KLF12: variants seen among roughly 807,000 people sequenced by gnomAD.
The protein encoded by KLF12 is KLF transcription factor 12, also known as Krueppel-like factor 12.
Under a neutral mutation model 37.8 loss-of-function variants are expected in KLF12, and 9 were observed. The observed-to-expected ratio is 0.24, with a 90% confidence interval of 0.14 to 0.42. The LOEUF (loss-of-function observed/expected upper bound fraction) is 0.42, where lower values mean the gene tolerates loss of function less well. Among genes scored for constraint, KLF12 ranks in the 10% least tolerant of loss-of-function variants. The pLI is 1.00. For synonymous variants in KLF12, 208 were observed against 202.1 expected, an observed-to-expected ratio of 1.03 and a Z score of -0.25; for missense variants, 411 against 516.0, an observed-to-expected ratio of 0.80 and a Z score of 1.97.
the KLF12 span, among the ~76,000 whole-genome samples, chr13:74,167,194 A>C: frequency 6.6e-6 from 1 of 152,232 alleles, no homozygotes; most frequent in Non-Finnish European, 1.5e-5. Flanking sequence ...AGGCATATAG[A>C]GATGCTCAAG....
intron 1 of KLF12, among the ~76,000 whole-genome samples, chr13:74,041,487 C>T (rs1261014942): frequency 2.0e-5 from 3 of 151,966 alleles, no homozygotes; most frequent in Admixed American, 1.3e-4. Context: ...TGTTAAGATG[C>T]TGACTTACTC....
rs541408997 is a variant in KLF12, at chr13:73,690,836, G to A, written c.*4654C>T. The A allele has an allele frequency of 2.6e-5, 4 of 152,542 alleles. No individual in the cohort carries two copies. The highest frequency in any genetic ancestry group is 2.1e-4 in the South Asian group (1 of 4,824). 9.4% of individuals were successfully genotyped at this position (152,542 alleles called of 1,614,324 possible). ...CTTTTTCCACTATCACATATGTTAC[G>A]AATACAGTAAAATATCTTCACTCTA... On this transcript the variant is annotated 3_prime_UTR_variant, in exon 8 of 8. Coordinates refer to ENST00000377669, the MANE Select transcript of KLF12 (RefSeq NM_007249.5).
At chr13:74,239,357 C>T in the KLF12 span, among the ~76,000 whole-genome samples, 1 of 138,554 alleles carries the variant, frequency 7.2e-6, no homozygotes, top group Non-Finnish European at 1.6e-5. Flanking sequence ...AGCTTTACTT[C>T]CCAGTATGTG....
At chr13:73,849,401 G>A (rs943321211) in intron 3 of KLF12, among the ~76,000 whole-genome samples, 12 of 126,868 alleles carry the variant, frequency 9.5e-5, no homozygotes, top group African/African-American at 2.8e-4. Context: ...AAAAAAAAAA[G>A]CATTGGTTCT....
chr13:73,884,409 G>GA (rs1199638345), intron 3 of KLF12, among the ~76,000 whole-genome samples: 3 of 152,046 alleles, frequency 2.0e-5, no homozygotes, highest in Non-Finnish European at 2.9e-5. Flanking sequence ...TGTCACTACA[G>GA]AAAAAAACAC....
At position 73,689,291 on chromosome 13, in the gene KLF12, G is replaced by C. The variant is rs1873681503; in HGVS notation, c.*6199C>G. On this transcript the variant is annotated 3_prime_UTR_variant, in exon 8 of 8. Coordinates refer to ENST00000377669, the MANE Select transcript of KLF12 (RefSeq NM_007249.5). ...TCTAACATTGGGAGGAGAAAACAGT[G>C]GATGTTTTTTTGAGGCCTGTGGTCT... 1 of 152,016 alleles carries C rather than the reference G, an allele frequency of 6.6e-6. No homozygotes were observed. The highest frequency in any genetic ancestry group is 1.5e-5 in the Non-Finnish European group (1 of 68,012). The allele number at this position is 152,016 out of a possible 1,614,324, so 9.4% of individuals were successfully genotyped here. A position where few individuals can be genotyped will look rare whatever the true frequency, so the allele number is the denominator to read the frequency against.
At chr13:74,193,237 C>T in the KLF12 span, among the ~76,000 whole-genome samples, 1 of 152,096 alleles carries the variant, frequency 6.6e-6, no homozygotes, top group Non-Finnish European at 1.5e-5. Context: ...TCCTGGGCCT[C>T]CCAAAGTGCT....
chr13:73,934,459 T>C (rs1889833577), intron 3 of KLF12, among the ~76,000 whole-genome samples: 1 of 152,232 alleles, frequency 6.6e-6, no homozygotes, highest in Non-Finnish European at 1.5e-5. Flanking sequence ...AAAAGATTTT[T>C]AAATTCTTTT....
intron 3 of KLF12, among the ~76,000 whole-genome samples, chr13:73,869,430 T>C (rs1403353019): frequency 3.9e-5 from 6 of 152,280 alleles, no homozygotes; most frequent in Non-Finnish European, 2.9e-5. Flanking sequence ...GTTAGTATTA[T>C]TTTCCTACCT....
chr13:73,741,293 C>T (rs1009736984), intron 6 of KLF12, among the ~76,000 whole-genome samples: 2 of 152,098 alleles, frequency 1.3e-5, no homozygotes, highest in Admixed American at 6.6e-5. Context: ...CCCACGATGC[C>T]GCCCCCATAC....
rs755870055 is a variant in KLF12 at position 73,994,978 on chromosome 13, T to C, written c.33+12A>G. 1.9e-6 allele frequency: 3 copies of C among 1,573,462 alleles called. No homozygotes were observed. The highest frequency in any genetic ancestry group is 2.6e-6 in the Non-Finnish European group (3 of 1,143,908). On this transcript the variant is annotated intron_variant, in intron 2 of 7. Coordinates refer to ENST00000377669, the MANE Select transcript of KLF12 (RefSeq NM_007249.5). ...ATATTTTCAATGCAATTTTAACATC[T>C]GACTAACCAACCTTTATTGTTTTTC...
At chr13:73,830,719 A>G (rs1220098790) in intron 4 of KLF12, among the ~76,000 whole-genome samples, 1 of 152,186 alleles carries the variant, frequency 6.6e-6, no homozygotes, top group Non-Finnish European at 1.5e-5. Context: ...GGCAAGATAG[A>G]ACAGGCGTGT....
the KLF12 span, among the ~76,000 whole-genome samples, chr13:74,183,546 T>A: frequency 1.3e-5 from 2 of 152,058 alleles, 1 homozygote; most frequent in Non-Finnish European, 2.9e-5. Context: ...GAAAACATAA[T>A]CATGACTACC....
At chr13:73,900,948 A>C (rs977291691) in intron 3 of KLF12, among the ~76,000 whole-genome samples, 2 of 152,214 alleles carry the variant, frequency 1.3e-5, no homozygotes, top group Non-Finnish European at 2.9e-5. Flanking sequence ...TAAATTCTGA[A>C]TCATAGACTG....
the KLF12 span, among the ~76,000 whole-genome samples, chr13:74,287,395 A>AGAGAGAGAGAGAGAGT: frequency 6.8e-6 from 1 of 147,160 alleles, no homozygotes; most frequent in Non-Finnish European, 1.5e-5. Context: ...AGAGAGAGAG[A>AGAGAGAGAGAGAGAGT]ATCCACCTCT....
the KLF12 span, among the ~76,000 whole-genome samples, chr13:74,143,167 T>C: frequency 6.6e-6 from 1 of 151,658 alleles, no homozygotes; most frequent in East Asian, 1.9e-4. Flanking sequence ...CTCTTCTTCT[T>C]CTTTCTTCTT....
chr13:74,011,432 C>T (rs1892549125), intron 1 of KLF12, among the ~76,000 whole-genome samples: 1 of 152,086 alleles, frequency 6.6e-6, no homozygotes, highest in South Asian at 2.1e-4. Context: ...ACAAAAATAA[C>T]TTTAAAAAGT....
chr13:74,225,662 A>G, the KLF12 span, among the ~76,000 whole-genome samples: 1 of 152,306 alleles, frequency 6.6e-6, no homozygotes, highest in South Asian at 2.1e-4. Context: ...TTTGTTGCCA[A>G]TTGAAAGAGC....
chr13:74,273,937 C>T, the KLF12 span, among the ~76,000 whole-genome samples: 5 of 152,128 alleles, frequency 3.3e-5, no homozygotes, highest in East Asian at 9.7e-4. Flanking sequence ...TACTATGAAC[C>T]CATGCCACAC....
Sources: allele counts gnomAD v4.1 joint callset (sites outside exome capture counted in the v4.1 genomes callset), GRCh38; gene constraint gnomAD v4.1.1; transcripts MANE v1.5; gene names NCBI Gene and HGNC (gene_info 2026-07-23, HGNC 2026-07-21).